Variants in DCC observed in about 807,000 individuals in gnomAD.
DCC encodes DCC netrin 1 receptor, also known as netrin receptor DCC.
DCC carries 58 observed loss-of-function variants against 172.5 expected under a neutral mutation model. The observed-to-expected ratio is 0.34, with a 90% confidence interval of 0.27 to 0.42. DCC has a LOEUF of 0.42. Ranked by LOEUF, DCC falls within the 10% of genes least tolerant of loss-of-function variation. The pLI is 1.00. For missense variants in DCC, 1,740 were observed against 1,791.0 expected (o/e 0.97, Z 0.51); for synonymous variants, 709 against 644.5 (o/e 1.10, Z -1.52).
chr18:53,080,622 A>G (rs1025058607), intron 7 of DCC, among the ~76,000 whole-genome samples: 3 of 152,158 alleles, frequency 2.0e-5, no homozygotes, highest in African/African-American at 4.8e-5. Flanking sequence ...GTTAGATCAG[A>G]GCAGGAGGAC....
chr18:52,832,217 G>T (rs979190134), intron 2 of DCC, among the ~76,000 whole-genome samples: 1 of 152,148 alleles, frequency 6.6e-6, no homozygotes, highest in Non-Finnish European at 1.5e-5. Flanking sequence ...TGCTGCAGCA[G>T]ATGTGGAGGT....
chr18:52,722,573 C>T (rs1705879945), intron 1 of DCC, among the ~76,000 whole-genome samples: 1 of 152,216 alleles, frequency 6.6e-6, no homozygotes, highest in Non-Finnish European at 1.5e-5. Flanking sequence ...CTTTAACATA[C>T]TTAAGTCTTC....
chr18:53,512,286 A>T (rs1480547927), intron 27 of DCC, among the ~76,000 whole-genome samples: 1 of 149,474 alleles, frequency 6.7e-6, no homozygotes, highest in East Asian at 2.0e-4. Flanking sequence ...AACAGAAAGG[A>T]CATCCACACC....
intron 7 of DCC, among the ~76,000 whole-genome samples, chr18:53,123,839 C>T (rs1180320097): frequency 1.3e-5 from 2 of 152,036 alleles, no homozygotes; most frequent in Non-Finnish European, 2.9e-5. Flanking sequence ...TTGCTATACC[C>T]GTCTCATCTT....
chr18:52,807,480 C>A (rs1375866336), intron 2 of DCC, among the ~76,000 whole-genome samples: 3 of 152,158 alleles, frequency 2.0e-5, no homozygotes, highest in Non-Finnish European at 1.5e-5. Context: ...TAAATTCAAA[C>A]ATACATACTT....
intron 18 of DCC, among the ~76,000 whole-genome samples, chr18:53,398,524 A>G (rs1909097477): frequency 6.6e-6 from 1 of 152,166 alleles, no homozygotes; most frequent in Admixed American, 6.5e-5. Flanking sequence ...TATTGGATAG[A>G]GTAAACAAGT....
chr18:52,976,562 A>C (rs922768127), intron 5 of DCC, among the ~76,000 whole-genome samples: 1 of 152,234 alleles, frequency 6.6e-6, no homozygotes. Context: ...TGAACTTTGC[A>C]AGATGACACA....
intron 1 of DCC, among the ~76,000 whole-genome samples, chr18:52,495,021 A>T (rs917534287): frequency 3.3e-5 from 5 of 152,092 alleles, no homozygotes; most frequent in African/African-American, 1.2e-4. Flanking sequence ...AGGCTGGATT[A>T]TATTTCTCTC....
At chr18:53,351,367 CTGT>C (rs2057800536) in intron 15 of DCC, among the ~76,000 whole-genome samples, 2 of 32,992 alleles carry the variant, frequency 6.1e-5, no homozygotes, top group Non-Finnish European at 1.4e-4. Context: ...TATATATATA[CTGT>C]ATATATATAT....
chr18:52,460,608 A>G (rs1988600238), intron 1 of DCC, among the ~76,000 whole-genome samples: 1 of 152,066 alleles, frequency 6.6e-6, no homozygotes, highest in Non-Finnish European at 1.5e-5. Flanking sequence ...ACTTACACAA[A>G]CCTAGATGGT....
At chr18:53,182,532 C>T (rs1021033930) in intron 9 of DCC, among the ~76,000 whole-genome samples, 4 of 152,140 alleles carry the variant, frequency 2.6e-5, no homozygotes, top group African/African-American at 9.7e-5. Context: ...TAGCCAATTG[C>T]TTCAATTCAT....
intron 12 of DCC, among the ~76,000 whole-genome samples, chr18:53,260,018 G>A (rs545594226): frequency 1.4e-4 from 21 of 152,044 alleles, no homozygotes; most frequent in Admixed American, 2.6e-4. Context: ...TTTTGCATTC[G>A]TCATGTATTT....
chr18:52,376,748 TC>T (rs1405725532), intron 1 of DCC, among the ~76,000 whole-genome samples: 1 of 152,190 alleles, frequency 6.6e-6, no homozygotes, highest in Non-Finnish European at 1.5e-5. Flanking sequence ...TAATTATATA[TC>T]TTGTCTCCTT....
intron 7 of DCC, among the ~76,000 whole-genome samples, chr18:53,131,498 G>C (rs2043650516): frequency 6.6e-6 from 1 of 152,122 alleles, no homozygotes; most frequent in Admixed American, 6.6e-5. Flanking sequence ...TGATGTTGCA[G>C]GAGGTAACCA....
At chr18:52,389,747 T>A (rs943443236) in intron 1 of DCC, among the ~76,000 whole-genome samples, 1 of 152,098 alleles carries the variant, frequency 6.6e-6, no homozygotes, top group Non-Finnish European at 1.5e-5. Context: ...GATCACTGAA[T>A]CTTTGAAGCT....
At chr18:53,007,570 G>C (rs1224293474) in intron 5 of DCC, among the ~76,000 whole-genome samples, 4 of 151,956 alleles carry the variant, frequency 2.6e-5, no homozygotes, top group Admixed American at 2.6e-4. Context: ...CAAGTTACAG[G>C]CTTGAGAATA....
intron 1 of DCC, among the ~76,000 whole-genome samples, chr18:52,656,132 T>C (rs1679832754): frequency 6.7e-6 from 1 of 149,744 alleles, no homozygotes; most frequent in South Asian, 2.1e-4. Flanking sequence ...TATGTATATA[T>C]ATAGTGTGTA....
intron 11 of DCC, among the ~76,000 whole-genome samples, chr18:53,211,056 G>A (rs918046677): frequency 2.6e-5 from 4 of 152,028 alleles, no homozygotes; most frequent in African/African-American, 4.8e-5. Flanking sequence ...AAGTCACTAA[G>A]AGCTTTTATG....
chr18:53,416,545 GA>G, intron 21 of DCC: 1 of 274,508 alleles, frequency 3.6e-6, no homozygotes, highest in Non-Finnish European at 7.3e-6. Context: ...GCTCTACAGA[GA>G]AAACCCGTAA....
Sources: gnomAD v4.1 joint callset for allele counts (sites outside exome capture counted in the v4.1 genomes callset) on GRCh38, gnomAD v4.1.1 for gene constraint, MANE v1.5 for transcripts, NCBI Gene and HGNC (gene_info 2026-07-23, HGNC 2026-07-21) for gene names.